The following SHISAL2A variants were observed in gnomAD, a reference collection of about 807,000 sequenced individuals.
SHISAL2A encodes the protein protein shisa-like-2A.
Under a neutral mutation model 11.5 loss-of-function variants are expected in SHISAL2A, and 18 were observed. The observed-to-expected ratio is 1.57, with a 90% CI of 1.08 to 2.33. SHISAL2A has a LOEUF of 2.33. Ranked by LOEUF, SHISAL2A falls within the 30% of genes most tolerant of loss-of-function variation. The probability of loss-of-function intolerance (pLI) is 0.00; values close to 1 mark genes in which losing one functional copy is unlikely to be tolerated. For missense variants in SHISAL2A, 261 were observed against 250.9 expected, an observed-to-expected ratio of 1.04 and a Z score of -0.27; for synonymous variants, 94 against 99.6, an observed-to-expected ratio of 0.94 and a Z score of 0.34.
intron 4 of SHISAL2A, among the ~76,000 whole-genome samples, chr1:52,665,746 C>A (rs1691999282): frequency 6.6e-6 from 1 of 152,108 alleles, no homozygotes; most frequent in Non-Finnish European, 1.5e-5. Flanking sequence ...TCCCCCCCCA[C>A]TTCCCTGTAC....
chr1:52,658,532 T>G (rs1691843369), downstream of SHISAL2A, among the ~76,000 whole-genome samples: 2 of 152,376 alleles, frequency 1.3e-5, no homozygotes, highest in Admixed American at 1.3e-4. Flanking sequence ...CTCATCTATA[T>G]AAGCTGGAAT....
At chr1:52,642,033 G>A (rs1691377213) in intron 1 of SHISAL2A, among the ~76,000 whole-genome samples, 4 of 152,244 alleles carry the variant, frequency 2.6e-5, no homozygotes. Flanking sequence ...GAGCCCAGGA[G>A]GTTGAGGATG....
chr1:52,633,063 C>G (rs190085758), upstream of SHISAL2A, among the ~76,000 whole-genome samples: 2,007 of 151,976 alleles, frequency 0.013, 182 homozygotes, highest in Admixed American at 0.12. The surrounding 1 kb of genome is among the most constrained non-coding windows in gnomAD (Gnocchi z 6.4). Flanking sequence ...GCCCTGGCCT[C>G]GAATTCCCGC....
intron 2 of SHISAL2A, among the ~76,000 whole-genome samples, chr1:52,644,746 A>G (rs965766661): frequency 6.6e-6 from 1 of 151,600 alleles, no homozygotes; most frequent in East Asian, 1.9e-4. Flanking sequence ...GGCCGGGTGC[A>G]GTGGCTCATG....
chr1:52,668,285 G>A (rs1332991972), intron 5 of SHISAL2A, among the ~76,000 whole-genome samples: 2 of 152,206 alleles, frequency 1.3e-5, no homozygotes, highest in Non-Finnish European at 2.9e-5. Flanking sequence ...GAACTGAACA[G>A]TCTGTGATTA....
intron 1 of SHISAL2A, among the ~76,000 whole-genome samples, chr1:52,635,309 C>A (rs2149871596): frequency 6.6e-6 from 1 of 152,258 alleles, no homozygotes; most frequent in South Asian, 2.1e-4. Context: ...CAGGGCCAAC[C>A]AAGTGGCAAA....
Position 52,642,845 on chromosome 1 carries a change from G to A in SHISAL2A, c.183-18G>A, listed in dbSNP as rs1691397782. The A allele has an allele frequency of 1.2e-6, 2 of 1,612,296 alleles. No individual in the cohort carries two copies. Among genetic ancestry groups the A allele is most frequent in the South Asian group, 1.1e-5 (1 of 90,996 alleles). On this transcript the variant is annotated intron_variant, in intron 1 of 2. Coordinates refer to ENST00000517870, the MANE Select transcript of SHISAL2A (RefSeq NM_001042693.3). Reference sequence around the variant, plus strand: ...TCCCTTCCTGACTCTCAGCTCCCATGTGGTCTTCTCTTCCCAGCATTGGCG... The same window carrying A: ...TCCCTTCCTGACTCTCAGCTCCCATATGGTCTTCTCTTCCCAGCATTGGCG...
intron 2 of SHISAL2A, among the ~76,000 whole-genome samples, chr1:52,643,717 G>T (rs182932286): frequency 6.6e-6 from 1 of 152,158 alleles, no homozygotes; most frequent in South Asian, 2.1e-4. Context: ...GCCAGGCATG[G>T]TGGCAGGCGC....
chr1:52,657,717 T>A (rs182170196), downstream of SHISAL2A, among the ~76,000 whole-genome samples: 121 of 152,250 alleles, frequency 7.9e-4, no homozygotes, highest in African/African-American at 2.7e-3. Flanking sequence ...TAGCCACATG[T>A]GGTGGCTTAT....
chr1:52,655,092 A>G (rs1044129364), intron 2 of SHISAL2A, among the ~76,000 whole-genome samples: 1 of 151,996 alleles, frequency 6.6e-6, no homozygotes, highest in Non-Finnish European at 1.5e-5. Context: ...AGGCTGAGGC[A>G]GGAGAATCAC....
chr1:52,659,765 A>AC (rs1298723115), downstream of SHISAL2A, among the ~76,000 whole-genome samples: 2 of 152,240 alleles, frequency 1.3e-5, no homozygotes, highest in African/African-American at 4.8e-5. Flanking sequence ...GACCCTTCAC[A>AC]GGACGAATTC....
chr1:52,662,433 C>T, intron 4 of SHISAL2A, among the ~76,000 whole-genome samples: 1 of 151,970 alleles, frequency 6.6e-6, no homozygotes, highest in Non-Finnish European at 1.5e-5. Flanking sequence ...CAACCTCCAC[C>T]TCCCGGGTTC....
chr1:52,633,748 C>T lies in SHISAL2A; in HGVS notation c.182+73C>T, dbSNP rs1298207105. On this transcript the variant is annotated intron_variant, in intron 1 of 2. Coordinates refer to ENST00000517870, the MANE Select transcript of SHISAL2A (RefSeq NM_001042693.3). The surrounding 1 kb of genome is among the most constrained non-coding windows in gnomAD (Gnocchi z 6.4). ...GCGCCTTCACCCCAGCCTCAGCCCC[C>T]ACCCGAGTGTCCACCTGAACATCAG... 2 of 1,281,284 alleles carry T rather than the reference C, an allele frequency of 1.6e-6. No individual in the cohort carries two copies. Among genetic ancestry groups the T allele is most frequent in the African/African-American group, 1.5e-5 (1 of 65,276 alleles). 79.4% of individuals were successfully genotyped at this position (1,281,284 alleles called of 1,614,324 possible). A position where few individuals can be genotyped will look rare whatever the true frequency, so the allele number is the denominator to read the frequency against.
intron 2 of SHISAL2A, among the ~76,000 whole-genome samples, chr1:52,650,882 TGATCCACCCGTCTCAG>T (rs774482873): frequency 2.0e-5 from 3 of 151,830 alleles, no homozygotes; most frequent in Non-Finnish European, 4.4e-5. Flanking sequence ...TGACCCCAGG[TGATCCACCCGTCTCAG>T]CCTCCCAAAG....
chr1:52,654,259 A>AGATAGATAGATG (rs755707698), intron 2 of SHISAL2A, among the ~76,000 whole-genome samples: 3 of 141,228 alleles, frequency 2.1e-5, no homozygotes, highest in Admixed American at 2.0e-4. Flanking sequence ...ATAGATAGAT[A>AGATAGATAGATG]GACAGATAGA....
At chr1:52,651,191 C>T (rs2149886312) in intron 2 of SHISAL2A, among the ~76,000 whole-genome samples, 1 of 151,896 alleles carries the variant, frequency 6.6e-6, no homozygotes, top group South Asian at 2.1e-4. Context: ...GGTCCCCAAA[C>T]ATAGCAGTGG....
In SHISAL2A at chr1:52,633,513, G is replaced by C; in HGVS notation, c.20G>C (p.Ser7Thr). The change falls in exon 1 of 3, where the codon AGC becomes ACC. Residue 7 changes from serine (S) to threonine (T), a missense_variant. Ser to Thr is a moderately conservative substitution (Grantham distance 58). Transcript: ENST00000517870. This position sits in a 1 kb window ranked among gnomAD's most constrained non-coding sequence, Gnocchi z 6.4. ...GGCGCGATGAGCGGCGCCTGCACGA[G>C]CTACGTGAGCGCAGAGCAGGAGGTG... MSGACT[S>T]YVSAEQEVVR... The C allele has an allele frequency of 1.3e-6, 2 of 1,565,242 alleles. No homozygotes were observed. The highest frequency in any genetic ancestry group is 8.6e-7 in the Non-Finnish European group (1 of 1,159,760).
chr1:52,644,519 G>A (rs1210389358), intron 2 of SHISAL2A, among the ~76,000 whole-genome samples: 1 of 150,264 alleles, frequency 6.7e-6, no homozygotes, highest in Non-Finnish European at 1.5e-5. Flanking sequence ...GAGGTCAGGA[G>A]TTCAAGACCA....
chr1:52,635,439 A>T lies in SHISAL2A; in HGVS notation c.182+1764A>T, dbSNP rs955724657. Among the ~76,000 whole-genome samples the T allele has an allele frequency of 2.0e-5, 3 of 150,906 alleles. No individual in the cohort carries two copies. The East Asian group carries it at 5.9e-4, about 30-fold the overall frequency. On this transcript the variant is annotated intron_variant, in intron 1 of 2. Transcript: ENST00000517870. The stretch of plus-strand genomic sequence containing the variant: ...TGGGGCTAGGGAATAGGGAATGCCA[A>T]TTGGTTGGGTTAGGGATAAAATCGT...
Sources: gnomAD v4.1 joint callset for allele counts (sites outside exome capture counted in the v4.1 genomes callset) on GRCh38, gnomAD v4.1.1 for gene constraint, Gnocchi (gnomAD v3.1) non-coding constraint, MANE v1.5 for transcripts, NCBI Gene and HGNC (gene_info 2026-07-23, HGNC 2026-07-21) for gene names.